CNGB3: variants seen among roughly 807,000 people sequenced by gnomAD.
CNGB3 encodes cyclic nucleotide-gated channel beta-3.
CNGB3 carries 86 observed loss-of-function variants against 92.8 expected under a neutral mutation model. The observed-to-expected ratio is 0.93, with a 90% confidence interval of 0.78 to 1.11. The LOEUF is 1.11. Among genes scored for constraint, CNGB3 ranks in the 50% least tolerant of loss-of-function variants. The pLI, the probability that CNGB3 is intolerant of heterozygous loss-of-function variation, is 0.00. For missense variants in CNGB3, 1,026 were observed against 956.8 expected (o/e 1.07, Z -0.95); for synonymous variants, 333 against 332.7 (o/e 1.00, Z -0.01).
rs765889773 is a variant in CNGB3 at position 86,726,652 on chromosome 8, G to C, written c.217C>G (p.Leu73Val). ...TCTCCAGAGGAATTTTTCTTGGAGA[G>C]TTTGTCTATGAAAAAAAAATTCACA... ...EEPHTNIQDKLSKKNSSGDLT... is the reference protein window; with the variant it reads ...EEPHTNIQDKVSKKNSSGDLT... Residue 73 changes from leucine to valine, a missense_variant, in exon 3 of 18, where the codon CTC becomes GTC. Leu to Val is a conservative substitution (Grantham distance 32, BLOSUM62 1). Transcript: ENST00000320005. 2 of 1,613,524 alleles carry C rather than the reference G, an allele frequency of 1.2e-6. No individual in the cohort carries two copies. Among genetic ancestry groups the C allele is most frequent in the East Asian group, 4.5e-5 (2 of 44,878 alleles).
intron 3 of CNGB3, among the ~76,000 whole-genome samples, chr8:86,700,197 G>A (rs1405705298): frequency 6.6e-6 from 1 of 152,146 alleles, no homozygotes; most frequent in Non-Finnish European, 1.5e-5. Context: ...GTTAACTAAT[G>A]CATACATCTG....
At chr8:86,689,872 T>A (rs1312682241) in intron 3 of CNGB3, among the ~76,000 whole-genome samples, 4 of 152,222 alleles carry the variant, frequency 2.6e-5, no homozygotes, top group Non-Finnish European at 4.4e-5. Flanking sequence ...TTCATCCATG[T>A]CTCTACAAAG....
At chr8:86,715,009 G>T (rs1264728852) in intron 3 of CNGB3, among the ~76,000 whole-genome samples, 1 of 152,042 alleles carries the variant, frequency 6.6e-6, no homozygotes, top group Admixed American at 6.6e-5. Context: ...GTGAGTCTGA[G>T]CTCAGACACA....
At chr8:86,589,710 G>A (rs1036812452) in intron 15 of CNGB3, among the ~76,000 whole-genome samples, 1 of 152,140 alleles carries the variant, frequency 6.6e-6, no homozygotes, top group African/African-American at 2.4e-5. Context: ...GAGATAGTTT[G>A]TTATAATGTC....
At chr8:86,640,283 T>C (rs1823156010) in intron 10 of CNGB3, among the ~76,000 whole-genome samples, 1 of 152,044 alleles carries the variant, frequency 6.6e-6, no homozygotes, top group Non-Finnish European at 1.5e-5. Context: ...TGGTAGTAAA[T>C]AAAATTTATA....
chr8:86,719,920 G>T (rs60752225), intron 3 of CNGB3, among the ~76,000 whole-genome samples: 1 of 151,922 alleles, frequency 6.6e-6, no homozygotes, highest in East Asian at 1.9e-4. Context: ...TCAACAAATG[G>T]TGCTGGGATA....
intron 4 of CNGB3, 115 bp from the exon 5 acceptor site, chr8:86,668,283 C>G (rs1039661323): frequency 1.4e-4 from 106 of 768,194 alleles, no homozygotes; most frequent in Non-Finnish European, 1.9e-4. Context: ...GGGAGTTGAA[C>G]AATGAGAACA....
At chr8:86,603,736 G>A (rs4961202) in intron 15 of CNGB3, among the ~76,000 whole-genome samples, 10 of 151,976 alleles carry the variant, frequency 6.6e-5, no homozygotes, top group Non-Finnish European at 1.2e-4. Context: ...ACTAGCCTAC[G>A]CAAGACCCCC....
In CNGB3 at chr8:86,743,479, T is replaced by C. The variant is rs1281263990; in HGVS notation, c.129+20A>G. 1.2e-6 allele frequency: 2 copies of C among 1,613,652 alleles called. No individual in the cohort carries two copies. Among genetic ancestry groups the C allele is most frequent in the South Asian group, 1.1e-5 (1 of 91,084 alleles). ...GAAATGATGAAAATCAAGGCTTGCA[T>C]AGGAATGTAGAGGACATACCTGTGC... is the stretch of plus-strand genomic sequence containing the variant. On this transcript the variant is annotated intron_variant, in intron 1 of 17. Transcript: ENST00000320005.
intron 10 of CNGB3, among the ~76,000 whole-genome samples, chr8:86,640,057 C>T (rs1823151202): frequency 6.6e-6 from 1 of 151,950 alleles, no homozygotes; most frequent in Admixed American, 6.6e-5. Flanking sequence ...TCTGTTTGTA[C>T]CCATGAAATC....
In CNGB3 at chr8:86,696,640, C is replaced by T. The variant is rs1445235838; in HGVS notation, c.339-25542G>A. Reference sequence around the variant, plus strand: ...ATTTTTCCTATGATTGTTATATCCTCTTGCTGAATTGACACCTTTATCATT... The same window carrying T: ...ATTTTTCCTATGATTGTTATATCCTTTTGCTGAATTGACACCTTTATCATT... On this transcript the variant is annotated intron_variant, in intron 3 of 17. Transcript: ENST00000320005. Among the ~76,000 whole-genome samples the T allele has an allele frequency of 5.9e-5, 9 of 152,174 alleles. No individual in the cohort carries two copies. In the East Asian group the frequency reaches 1.5e-3, roughly 26 times the overall value.
intron 10 of CNGB3, among the ~76,000 whole-genome samples, chr8:86,635,186 T>G (rs1040576886): frequency 6.6e-6 from 1 of 152,132 alleles, no homozygotes; most frequent in Non-Finnish European, 1.5e-5. Context: ...ATTTTAACTT[T>G]TCAAATTCCA....
chr8:86,727,983 G>A (rs1444925008), intron 2 of CNGB3, among the ~76,000 whole-genome samples: 5 of 151,786 alleles, frequency 3.3e-5, no homozygotes, highest in South Asian at 2.1e-4. Context: ...CAGGAATAAA[G>A]GAAATCAAAA....
chr8:86,658,455 C>A (rs1236871368), intron 6 of CNGB3: 4 of 408,166 alleles, frequency 9.8e-6, no homozygotes, highest in Admixed American at 5.9e-5. Context: ...CTCCTGCAAC[C>A]CTTGGCAGGC....
chr8:86,711,607 T>C (rs563153938), intron 3 of CNGB3, among the ~76,000 whole-genome samples: 1 of 152,214 alleles, frequency 6.6e-6, no homozygotes, highest in Admixed American at 6.5e-5. Flanking sequence ...AAACTGCCTA[T>C]AGGCTGGCTC....
intron 1 of CNGB3, among the ~76,000 whole-genome samples, chr8:86,740,480 G>T (rs1342745377): frequency 2.0e-5 from 3 of 152,146 alleles, no homozygotes. Context: ...CACATGGAGA[G>T]GACTTAGAAA....
chr8:86,722,794 C>T (rs2131668627), intron 3 of CNGB3, among the ~76,000 whole-genome samples: 1 of 152,198 alleles, frequency 6.6e-6, no homozygotes, highest in South Asian at 2.1e-4. Context: ...AACATTGTTT[C>T]CTTTTGGGTC....
chr8:86,669,567 C>G (rs1290119022), intron 4 of CNGB3, among the ~76,000 whole-genome samples: 3 of 152,166 alleles, frequency 2.0e-5, no homozygotes, highest in African/African-American at 7.2e-5. Context: ...ACACATGTCA[C>G]ACACAATATT....
intron 15 of CNGB3, among the ~76,000 whole-genome samples, chr8:86,589,649 T>A (rs1048650690): frequency 6.6e-6 from 1 of 152,208 alleles, no homozygotes; most frequent in Non-Finnish European, 1.5e-5. Context: ...TTGAGCGGTT[T>A]TGAGTGAGAT....
Sources: gnomAD v4.1 joint callset for allele counts (sites outside exome capture counted in the v4.1 genomes callset) on GRCh38, gnomAD v4.1.1 for gene constraint, MANE v1.5 for transcripts, NCBI Gene and HGNC (gene_info 2026-07-23, HGNC 2026-07-21) for gene names.